TOM1L2: variants seen among roughly 807,000 people sequenced by gnomAD.
The protein encoded by TOM1L2 is target of myb1 like 2 membrane trafficking protein.
TOM1L2 carries 31 observed loss-of-function variants against 67.9 expected under a neutral mutation model. The ratio of observed to expected loss-of-function variants is 0.46; its 90% CI spans 0.34 to 0.62. TOM1L2 has a LOEUF of 0.62. Ranked by LOEUF, TOM1L2 falls within the 20% of genes least tolerant of loss-of-function variation. The probability of loss-of-function intolerance (pLI) is 0.01; values close to 1 mark genes in which losing one functional copy is unlikely to be tolerated. For synonymous variants in TOM1L2, 256 were observed against 254.0 expected (o/e 1.01, Z -0.07); for missense variants, 606 against 663.5 (o/e 0.91, Z 0.95).
At chr17:17,935,333 A>G (rs2040477060) in intron 1 of TOM1L2, among the ~76,000 whole-genome samples, 1 of 152,206 alleles carries the variant, frequency 6.6e-6, no homozygotes, top group Non-Finnish European at 1.5e-5. Flanking sequence ...TCTGTTGGCA[A>G]ATAACAGCCT....
intron 4 of TOM1L2, among the ~76,000 whole-genome samples, chr17:17,886,975 A>C (rs552323480): frequency 6.6e-6 from 1 of 152,368 alleles, no homozygotes; most frequent in South Asian, 2.1e-4. Context: ...GTGCCAGCAC[A>C]GGACTGGAAG....
intron 1 of TOM1L2, among the ~76,000 whole-genome samples, chr17:17,956,520 G>A (rs1488779686): frequency 2.0e-5 from 3 of 152,236 alleles, no homozygotes; most frequent in Non-Finnish European, 4.4e-5. Flanking sequence ...TTGGGCGGTC[G>A]ATGGGACCGG....
intron 1 of TOM1L2, among the ~76,000 whole-genome samples, chr17:17,956,268 A>C (rs1281260377): frequency 6.6e-6 from 1 of 152,204 alleles, no homozygotes; most frequent in Non-Finnish European, 1.5e-5. Context: ...AGCTAGACAC[A>C]AAGATTCTCC....
At chr17:17,901,668 C>G (rs1229523573) in intron 2 of TOM1L2, among the ~76,000 whole-genome samples, 1 of 152,206 alleles carries the variant, frequency 6.6e-6, no homozygotes, top group Non-Finnish European at 1.5e-5. Context: ...TTATCTTGCT[C>G]TATTGCATGT....
chr17:17,896,717 C>T (rs1039410083), intron 3 of TOM1L2, among the ~76,000 whole-genome samples: 8 of 152,172 alleles, frequency 5.3e-5, no homozygotes, highest in African/African-American at 1.4e-4. Flanking sequence ...AGAAAGTAAA[C>T]GGGGCCTCTA....
intron 6 of TOM1L2, among the ~76,000 whole-genome samples, chr17:17,880,991 T>C (rs1490736780): frequency 1.3e-5 from 2 of 152,208 alleles, no homozygotes; most frequent in Non-Finnish European, 2.9e-5. Flanking sequence ...CGCTGTGCCA[T>C]CTTCCACTAT....
chr17:17,925,180 C>T (rs913473881), intron 1 of TOM1L2, among the ~76,000 whole-genome samples: 1 of 152,124 alleles, frequency 6.6e-6, no homozygotes, highest in Non-Finnish European at 1.5e-5. Flanking sequence ...GCCAAATAAA[C>T]CTCTTTTATA....
intron 7 of TOM1L2, among the ~76,000 whole-genome samples, chr17:17,876,134 A>C (rs1207073556): frequency 2.0e-5 from 3 of 152,256 alleles, no homozygotes; most frequent in Admixed American, 6.5e-5. Context: ...AGGACACTGG[A>C]TGACATAATC....
chr17:17,900,451 T>C (rs2038795813), intron 2 of TOM1L2, among the ~76,000 whole-genome samples: 1 of 141,080 alleles, frequency 7.1e-6, no homozygotes, highest in Non-Finnish European at 1.5e-5. Flanking sequence ...GAACCTGAGA[T>C]GTGAAGGTTG....
chr17:17,896,936 G>T (rs1163243766), intron 3 of TOM1L2, among the ~76,000 whole-genome samples: 1 of 152,192 alleles, frequency 6.6e-6, no homozygotes, highest in Non-Finnish European at 1.5e-5. Context: ...TGCAAAGCGC[G>T]CTAGGATGGG....
chr17:17,890,945 C>A (rs1342100410), intron 4 of TOM1L2, among the ~76,000 whole-genome samples: 1 of 152,230 alleles, frequency 6.6e-6, no homozygotes, highest in African/African-American at 2.4e-5. Context: ...CAGCTGAATG[C>A]TGCCTGCTGT....
At chr17:17,956,644 G>A (rs547123691) in intron 1 of TOM1L2, among the ~76,000 whole-genome samples, 1 of 152,352 alleles carries the variant, frequency 6.6e-6, no homozygotes, top group Admixed American at 6.5e-5. Context: ...CCCGCAGGGA[G>A]ACCGCTGAGA....
At chr17:17,967,763 A>G (rs969151497) in intron 1 of TOM1L2, among the ~76,000 whole-genome samples, 1 of 152,038 alleles carries the variant, frequency 6.6e-6, no homozygotes, top group Non-Finnish European at 1.5e-5. Context: ...GCGTGCCACC[A>G]TGCCCAGCTA....
In TOM1L2 at chr17:17,845,492, T is replaced by C. The variant is rs1454663680; in HGVS notation, c.*2143A>G. 6.6e-6 allele frequency: 1 copy of C among 152,300 alleles called. No individual in the cohort carries two copies. The highest frequency in any genetic ancestry group is 1.5e-5 in the Non-Finnish European group (1 of 68,086). 9.4% of individuals were successfully genotyped at this position (152,300 alleles called of 1,614,324 possible). ...TTCAGAGCCTCCAGGCTCCTGACTT[T>C]TTGGGACTCCTGGTTCCATGAGGCA... On this transcript the variant is annotated 3_prime_UTR_variant, in exon 15 of 15. Coordinates refer to ENST00000379504, the MANE Select transcript of TOM1L2 (RefSeq NM_001082968.2).
chr17:17,899,453 G>C (rs757107426), intron 2 of TOM1L2, among the ~76,000 whole-genome samples: 15 of 152,236 alleles, frequency 9.9e-5, no homozygotes, highest in Non-Finnish European at 1.9e-4. Context: ...CTGTCCAAAA[G>C]TTGGAGTGGA....
intron 1 of TOM1L2, among the ~76,000 whole-genome samples, chr17:17,967,754 C>T (rs9908832): frequency 0.45 from 68,226 of 151,874 alleles, 16,164 homozygotes; most frequent in East Asian, 0.86. Context: ...ATTATACGCG[C>T]GTGCCACCAT....
chr17:17,961,728 C>T (rs112760381), intron 1 of TOM1L2, among the ~76,000 whole-genome samples: 2,647 of 152,006 alleles, frequency 0.017, 86 homozygotes, highest in African/African-American at 0.061. Flanking sequence ...AAAAATTAGC[C>T]GGGCGTGGTG....
At chr17:17,931,742 C>T (rs530439465) in intron 1 of TOM1L2, among the ~76,000 whole-genome samples, 5 of 152,326 alleles carry the variant, frequency 3.3e-5, no homozygotes, top group South Asian at 2.1e-4. Flanking sequence ...AGGTTCAGAA[C>T]GCAAAGCTCC....
At chr17:17,928,346 C>T (rs923923311) in intron 1 of TOM1L2, among the ~76,000 whole-genome samples, 5 of 152,202 alleles carry the variant, frequency 3.3e-5, no homozygotes, top group Admixed American at 6.5e-5. Context: ...AAGGCAAAAA[C>T]GCTACGTGGC....
Sources: gnomAD v4.1 joint callset for allele counts (sites outside exome capture counted in the v4.1 genomes callset) on GRCh38, gnomAD v4.1.1 for gene constraint, MANE v1.5 for transcripts, NCBI Gene and HGNC (gene_info 2026-07-23, HGNC 2026-07-21) for gene names.